Variants in ARHGEF3 observed in about 807,000 individuals in gnomAD.
The protein encoded by ARHGEF3 is Rho guanine nucleotide exchange factor 3, also known as 59.8 kDA protein.
In ARHGEF3, 28 loss-of-function variants were observed where a neutral mutation model predicts 63.2. The ratio of observed to expected loss-of-function variants is 0.44; its 90% CI spans 0.33 to 0.61. The LOEUF is 0.61. ARHGEF3 is among the 20% of genes least tolerant of loss of function. The pLI is 0.03. For missense variants in ARHGEF3, 533 were observed against 659.3 expected (o/e 0.81, Z 2.10); for synonymous variants, 266 against 254.2 (o/e 1.05, Z -0.44).
chr3:56,943,498 C>T (rs1312439530), intron 3 of ARHGEF3, among the ~76,000 whole-genome samples: 1 of 152,150 alleles, frequency 6.6e-6, no homozygotes, highest in African/African-American at 2.4e-5. Context: ...TCTGGTCACC[C>T]GAGAGCTTCG....
At chr3:56,991,911 G>A (rs376617934) in intron 2 of ARHGEF3, among the ~76,000 whole-genome samples, 14 of 152,166 alleles carry the variant, frequency 9.2e-5, no homozygotes, top group South Asian at 2.1e-4. Context: ...CACCGCGCCC[G>A]GCCCATTAAC....
intron 1 of ARHGEF3, among the ~76,000 whole-genome samples, chr3:57,056,641 T>G (rs1221168450): frequency 1.3e-5 from 2 of 152,016 alleles, no homozygotes; most frequent in East Asian, 3.9e-4. Flanking sequence ...CAAGAAGAGA[T>G]GTGGATTTTT....
At chr3:57,074,357 C>T (rs938490003) in intron 1 of ARHGEF3, 2 of 1,169,014 alleles carry the variant, frequency 1.7e-6, no homozygotes, top group South Asian at 1.4e-5. Context: ...CCCCCACCCC[C>T]ACCAGGGGTG....
chr3:56,775,607 T>C, intron 1 of ARHGEF3: 4 of 985,578 alleles, frequency 4.1e-6, no homozygotes, highest in Non-Finnish European at 4.8e-6. Context: ...TGAAAGCCAT[T>C]GCGTGACAAT....
chr3:56,968,143 AAT>A lies in ARHGEF3; in HGVS notation c.63-9256_63-9255del, dbSNP rs1289158572. Among the ~76,000 whole-genome samples the A allele has an allele frequency of 2.1e-4, 7 of 33,876 alleles. 1 individual carries two copies. Among genetic ancestry groups the A allele is most frequent in the Non-Finnish European group, 2.6e-4 (5 of 19,070 alleles). The allele number at this position is 33,876 out of a possible 152,430, so 22.2% of individuals were successfully genotyped here. The stretch of plus-strand genomic sequence containing the variant: ...ATATAAAACATATATTTTTATATAT[AAT>A]ATATATAAAAATATATATTATATAA... On this transcript the variant is annotated intron_variant, in intron 2 of 12. Coordinates refer to the ARHGEF3 transcript ENST00000338458.
At chr3:56,995,043 C>T (rs1701916605) in intron 2 of ARHGEF3, among the ~76,000 whole-genome samples, 1 of 152,088 alleles carries the variant, frequency 6.6e-6, no homozygotes, top group Non-Finnish European at 1.5e-5. Flanking sequence ...CCTGAGGCCT[C>T]AGGAGACTGG....
At position 56,728,237 on chromosome 3, in the gene ARHGEF3, C is replaced by G. The variant is rs1447373885; in HGVS notation, c.*1033G>C. On this transcript the variant is annotated 3_prime_UTR_variant, in exon 10 of 10. Coordinates refer to ENST00000296315, the MANE Select transcript of ARHGEF3 (RefSeq NM_019555.3). ...GCAAATTGACGACCCAAAAGCAGAG[C>G]AGGAAAGCCCAAAGCTCTGGCCTTT... 1 of 152,622 alleles carries G rather than the reference C, an allele frequency of 6.6e-6. No individual in the cohort carries two copies. The highest frequency in any genetic ancestry group is 1.5e-5 in the Non-Finnish European group (1 of 68,032). 9.5% of individuals were successfully genotyped at this position (152,622 alleles called of 1,614,324 possible).
At chr3:56,995,896 G>T (rs1188571585) in intron 2 of ARHGEF3, among the ~76,000 whole-genome samples, 1 of 152,128 alleles carries the variant, frequency 6.6e-6, no homozygotes, top group Non-Finnish European at 1.5e-5. Flanking sequence ...TAGGCTACCA[G>T]GACCGGATAA....
chr3:56,838,327 T>C (rs2039188965), intron 4 of ARHGEF3, among the ~76,000 whole-genome samples: 1 of 152,214 alleles, frequency 6.6e-6, no homozygotes, highest in South Asian at 2.1e-4. Flanking sequence ...TGAATGTTTT[T>C]TGTACGAATC....
intron 1 of ARHGEF3, chr3:57,060,552 A>T (rs947075444): frequency 3.0e-4 from 46 of 151,996 alleles, no homozygotes; most frequent in Non-Finnish European, 2.9e-5. Context: ...CTGAGTCACA[A>T]CTCAGCCCCT....
At chr3:56,766,407 G>A (rs1169740822) in intron 2 of ARHGEF3, among the ~76,000 whole-genome samples, 4 of 152,210 alleles carry the variant, frequency 2.6e-5, no homozygotes, top group African/African-American at 4.8e-5. Context: ...ACAACTGGGG[G>A]AGGGGACACA....
At chr3:56,980,889 C>T (rs949488315) in intron 2 of ARHGEF3, among the ~76,000 whole-genome samples, 2 of 152,218 alleles carry the variant, frequency 1.3e-5, no homozygotes, top group African/African-American at 2.4e-5. Flanking sequence ...CTGCACTACC[C>T]ACCTCAATAT....
chr3:56,995,125 A>C (rs1203612768), intron 2 of ARHGEF3, among the ~76,000 whole-genome samples: 1 of 152,174 alleles, frequency 6.6e-6, no homozygotes, highest in East Asian at 1.9e-4. Flanking sequence ...AGTCTCAGGT[A>C]GTTCTTTAAT....
At chr3:56,865,428 G>A (rs1560004615) in intron 4 of ARHGEF3, among the ~76,000 whole-genome samples, 1 of 152,154 alleles carries the variant, frequency 6.6e-6, no homozygotes, top group Non-Finnish European at 1.5e-5. Context: ...CTATGTGAAG[G>A]CAAAACCACA....
At chr3:56,756,804 C>A (rs1296377724) in intron 2 of ARHGEF3, among the ~76,000 whole-genome samples, 2 of 152,182 alleles carry the variant, frequency 1.3e-5, no homozygotes, top group Non-Finnish European at 2.9e-5. Context: ...CCGCCTCGGC[C>A]TCCCGAAGTG....
At chr3:57,022,823 GACCGTCTCATC>G (rs68020187) in intron 2 of ARHGEF3, among the ~76,000 whole-genome samples, 17,945 of 152,112 alleles carry the variant, frequency 0.12, 1,400 homozygotes, top group Non-Finnish European at 0.17. Flanking sequence ...CCACACGTAT[GACCGTCTCATC>G]ACCCACATCT....
At chr3:56,995,412 C>T (rs1020253202) in intron 2 of ARHGEF3, among the ~76,000 whole-genome samples, 1 of 152,068 alleles carries the variant, frequency 6.6e-6, no homozygotes, top group African/African-American at 2.4e-5. Context: ...ATCTTCCAGA[C>T]AGAATTCATT....
At chr3:56,847,554 G>A (rs2039530178) in intron 4 of ARHGEF3, among the ~76,000 whole-genome samples, 2 of 152,144 alleles carry the variant, frequency 1.3e-5, no homozygotes, top group Admixed American at 1.3e-4. Context: ...GTCTTTAAGA[G>A]CATTTATCCT....
chr3:56,745,224 T>C lies in ARHGEF3; in HGVS notation c.851A>G (p.Gln284Arg). ...ACTTACAGCTTCTTCCAAGTGCTGC[T>C]GATCTGGATTATCATTTGGTGTGTG... ...LRHTPNDNPD[Q>R]QHLEEAINII... Residue 284 changes from glutamine (Q) to arginine (R), a missense_variant, in exon 7 of 10, where the codon CAG (glutamine) becomes CGG (arginine). By Grantham distance (43) the Gln-to-Arg change is conservative (BLOSUM62 1). This residue lies in a region of ARHGEF3 where 107 missense variants were observed against 207.9 expected (regional missense o/e 0.51). Coordinates refer to ENST00000296315, the MANE Select transcript of ARHGEF3 (RefSeq NM_019555.3). The C allele has an allele frequency of 6.2e-7, 1 of 1,613,182 alleles. No homozygotes were observed. Among genetic ancestry groups the C allele is most frequent in the Non-Finnish European group, 8.5e-7 (1 of 1,179,416 alleles).
Sources: gnomAD v4.1 joint callset for allele counts (sites outside exome capture counted in the v4.1 genomes callset) on GRCh38, gnomAD v4.1.1 for gene constraint, gnomAD v4.1.1 regional missense constraint, MANE v1.5 for transcripts, NCBI Gene and HGNC (gene_info 2026-07-23, HGNC 2026-07-21) for gene names.